The following GRIK4 variants were observed in gnomAD, a reference collection of about 807,000 sequenced individuals.
GRIK4 encodes the protein glutamate receptor ionotropic, kainate 4.
Under a neutral mutation model 104.9 loss-of-function variants are expected in GRIK4, and 40 were observed. The ratio of observed to expected loss-of-function variants is 0.38; its 90% CI spans 0.30 to 0.50. The LOEUF (loss-of-function observed/expected upper bound fraction) is 0.50, where lower values mean the gene tolerates loss of function less well. GRIK4 is among the 20% of genes least tolerant of loss of function. The pLI is 0.93. For missense variants in GRIK4, 1,047 were observed against 1,308.1 expected (o/e 0.80, Z 3.08); for synonymous variants, 485 against 524.9 (o/e 0.92, Z 1.04).
At chr11:120,811,449 C>A (rs1294474897) in intron 4 of GRIK4, among the ~76,000 whole-genome samples, 1 of 152,160 alleles carries the variant, frequency 6.6e-6, no homozygotes, top group Admixed American at 6.5e-5. Flanking sequence ...CTTGACTCTG[C>A]TCTTTAATTT....
chr11:120,881,850 G>A (rs142502210), intron 11 of GRIK4, among the ~76,000 whole-genome samples: 49 of 152,284 alleles, frequency 3.2e-4, no homozygotes, highest in African/African-American at 1.1e-3. Context: ...GTCATGTAAA[G>A]GCAGCTGCAT....
intron 3 of GRIK4, among the ~76,000 whole-genome samples, chr11:120,723,250 A>G (rs931334572): frequency 6.6e-6 from 1 of 152,200 alleles, no homozygotes; most frequent in Non-Finnish European, 1.5e-5. Context: ...TGTTACGTTA[A>G]TATAAGTGTG....
intron 3 of GRIK4, among the ~76,000 whole-genome samples, chr11:120,685,572 CCATGTCCCTGGGG>C (rs1950262540): frequency 6.6e-6 from 1 of 152,270 alleles, no homozygotes; most frequent in Middle Eastern, 3.4e-3. Context: ...TTGCTGTGCC[CCATGTCCCTGGGG>C]CAGGCCGGCT....
chr11:120,564,784 C>T (rs1460005299), intron 1 of GRIK4: 1 of 152,372 alleles, frequency 6.6e-6, no homozygotes. Context: ...AAGGACTGCG[C>T]CCAGCCTCCG....
intron 1 of GRIK4, among the ~76,000 whole-genome samples, chr11:120,535,965 G>A (rs746110022): frequency 7.2e-5 from 11 of 152,190 alleles, no homozygotes; most frequent in Non-Finnish European, 1.5e-4. Context: ...CCATCTCGCT[G>A]CATGTATCTC....
chr11:120,527,169 C>T (rs150360290), intron 1 of GRIK4, among the ~76,000 whole-genome samples: 30 of 152,332 alleles, frequency 2.0e-4, no homozygotes, highest in African/African-American at 6.0e-4. Context: ...GCCCTGATCC[C>T]GCCTCGGCTT....
At chr11:120,778,880 AAG>A (rs1684321393) in intron 3 of GRIK4, among the ~76,000 whole-genome samples, 1 of 152,168 alleles carries the variant, frequency 6.6e-6, no homozygotes, top group Admixed American at 6.5e-5. Context: ...AGGTGGGAGA[AAG>A]AGCTGACTCA....
chr11:120,782,360 A>G (rs998137945), intron 3 of GRIK4, among the ~76,000 whole-genome samples: 4 of 145,496 alleles, frequency 2.7e-5, no homozygotes, highest in Middle Eastern at 3.7e-3. Context: ...GTCTCGGCTC[A>G]CTGCAAGCTC....
At chr11:120,944,409 G>A (rs1943806842) in intron 14 of GRIK4, among the ~76,000 whole-genome samples, 1 of 151,998 alleles carries the variant, frequency 6.6e-6, no homozygotes, top group South Asian at 2.1e-4. Context: ...CGTCTCACAG[G>A]CACCCCAAAA....
At chr11:120,597,705 T>C (rs1265956086) in intron 1 of GRIK4, among the ~76,000 whole-genome samples, 1 of 150,928 alleles carries the variant, frequency 6.6e-6, no homozygotes, top group Non-Finnish European at 1.5e-5. Flanking sequence ...CCCCCCGCTT[T>C]GTCTGATTTC....
chr11:120,720,760 T>C (rs1272473725), intron 3 of GRIK4, among the ~76,000 whole-genome samples: 1 of 151,948 alleles, frequency 6.6e-6, no homozygotes, highest in Non-Finnish European at 1.5e-5. Flanking sequence ...TTTTAAGAAG[T>C]TAAGGGTGCA....
intron 3 of GRIK4, among the ~76,000 whole-genome samples, chr11:120,660,608 G>A (rs567855361): frequency 3.9e-5 from 6 of 152,286 alleles, no homozygotes; most frequent in South Asian, 4.1e-4. Flanking sequence ...TGAGCTCCCC[G>A]GCCACTAGAA....
chr11:120,546,481 T>C (rs2252385), intron 1 of GRIK4, among the ~76,000 whole-genome samples: 67,782 of 152,042 alleles, frequency 0.45, 16,425 homozygotes, highest in East Asian at 0.62. Flanking sequence ...GGCGACATGG[T>C]TTCTGTGCCT....
intron 1 of GRIK4, among the ~76,000 whole-genome samples, chr11:120,594,363 G>C (rs908879022): frequency 6.6e-6 from 1 of 152,122 alleles, no homozygotes; most frequent in Non-Finnish European, 1.5e-5. Flanking sequence ...TGTTGTCCCA[G>C]CTACTCAGGA....
chr11:120,639,618 C>G (rs1805994308), intron 1 of GRIK4, among the ~76,000 whole-genome samples: 1 of 152,168 alleles, frequency 6.6e-6, no homozygotes, highest in Admixed American at 6.5e-5. Flanking sequence ...CTCCACGACC[C>G]ACATCTGATC....
chr11:120,893,151 CATA>C (rs1320912049), intron 11 of GRIK4, among the ~76,000 whole-genome samples: 1 of 152,126 alleles, frequency 6.6e-6, no homozygotes, highest in Non-Finnish European at 1.5e-5. Context: ...GACAGAGGAA[CATA>C]ATAATTCCTT....
chr11:120,521,995 T>C (rs542984280), intron 1 of GRIK4, among the ~76,000 whole-genome samples: 1 of 152,282 alleles, frequency 6.6e-6, no homozygotes, highest in Non-Finnish European at 1.5e-5. Context: ...TTAAGTTGAT[T>C]CTCCAGCCAA....
intron 1 of GRIK4, among the ~76,000 whole-genome samples, chr11:120,613,846 T>C (rs1404014824): frequency 2.6e-5 from 4 of 152,226 alleles, no homozygotes; most frequent in African/African-American, 9.6e-5. Context: ...CTCAGGGTGC[T>C]GAGGCATTTA....
At position 120,558,987 on chromosome 11, in the gene GRIK4, A is replaced by G. The variant is rs574619966; in HGVS notation, c.-159+47100A>G. On this transcript the variant is annotated intron_variant, in intron 1 of 20. Coordinates refer to ENST00000527524, the MANE Select transcript of GRIK4 (RefSeq NM_014619.5). ...GGGCACTCATATTTTTGCTGTGTTT[A>G]TTCTTCCCGTCATCTTCCCTGGCAG... 2.6e-5 allele frequency among the ~76,000 whole-genome samples: 4 copies of G among 152,260 alleles called. No individual in the cohort carries two copies. The East Asian group carries it at 7.7e-4, about 29-fold the overall frequency.
Sources: gnomAD v4.1 joint callset for allele counts (sites outside exome capture counted in the v4.1 genomes callset) on GRCh38, gnomAD v4.1.1 for gene constraint, MANE v1.5 for transcripts, NCBI Gene and HGNC (gene_info 2026-07-23, HGNC 2026-07-21) for gene names.